The following PKHD1 variants were observed in gnomAD, a reference collection of about 807,000 sequenced individuals.
PKHD1 encodes fibrocystin.
PKHD1 carries 291 observed loss-of-function variants against 412.0 expected under a neutral mutation model. The ratio of observed to expected loss-of-function variants is 0.71; its 90% CI spans 0.64 to 0.78. The LOEUF is 0.78. Ranked by LOEUF, PKHD1 falls within the 30% of genes least tolerant of loss-of-function variation. The pLI is 0.00. For missense variants in PKHD1, 4,825 were observed against 4,950.7 expected, an observed-to-expected ratio of 0.97 and a Z score of 0.76; for synonymous variants, 1,777 against 1,821.5, an observed-to-expected ratio of 0.98 and a Z score of 0.62.
At chr6:51,841,433 C>T (rs752261137) in intron 50 of PKHD1, among the ~76,000 whole-genome samples, 174 of 152,074 alleles carry the variant, frequency 1.1e-3, no homozygotes, top group Admixed American at 3.0e-3. Context: ...TTCTCCTTCT[C>T]TTCCTGCCTT....
intron 52 of PKHD1, among the ~76,000 whole-genome samples, chr6:51,827,509 C>T (rs1299826994): frequency 1.3e-5 from 2 of 152,086 alleles, no homozygotes; most frequent in Non-Finnish European, 2.9e-5. Context: ...TTATCCTAGT[C>T]GACAGCTCAT....
At chr6:52,010,506 A>T in intron 34 of PKHD1, 47 bp from the exon 35 acceptor site, 1 of 1,388,232 alleles carries the variant, frequency 7.2e-7, no homozygotes, top group Non-Finnish European at 1.0e-6. Flanking sequence ...ATCTTAATGA[A>T]ATGCAATTAT....
chr6:51,821,384 G>A (rs1428623288), intron 52 of PKHD1, among the ~76,000 whole-genome samples: 1 of 152,096 alleles, frequency 6.6e-6, no homozygotes, highest in Non-Finnish European at 1.5e-5. Context: ...CTCAGTCCTG[G>A]ATAAACCAGG....
chr6:52,082,850 CT>C (rs1470439124), intron 3 of PKHD1, among the ~76,000 whole-genome samples: 4 of 152,164 alleles, frequency 2.6e-5, no homozygotes, highest in Admixed American at 6.5e-5. Context: ...AGAGGACTGT[CT>C]TTAAGGAAGA....
chr6:51,824,463 C>T (rs1269558843), intron 52 of PKHD1, among the ~76,000 whole-genome samples: 1 of 152,134 alleles, frequency 6.6e-6, no homozygotes, highest in Non-Finnish European at 1.5e-5. Flanking sequence ...GAGGACACGA[C>T]TTTGACATCC....
chr6:51,713,050 A>C (rs1157438484), intron 60 of PKHD1, among the ~76,000 whole-genome samples: 1 of 152,190 alleles, frequency 6.6e-6, no homozygotes, highest in Non-Finnish European at 1.5e-5. Flanking sequence ...GCAGGTTGTA[A>C]ACACTTGATA....
At chr6:51,788,418 GGAGTTC>G in intron 53 of PKHD1, among the ~76,000 whole-genome samples, 1 of 126,246 alleles carries the variant, frequency 7.9e-6, no homozygotes, top group East Asian at 3.5e-4. Context: ...ACTGCATCAA[GGAGTTC>G]TCCTTTATTC....
At chr6:51,799,654 G>T (rs1006743344) in intron 52 of PKHD1, among the ~76,000 whole-genome samples, 22 of 152,102 alleles carry the variant, frequency 1.4e-4, no homozygotes, top group African/African-American at 5.3e-4. Flanking sequence ...ATGAGCAAAA[G>T]AATTCACCCT....
At chr6:52,029,214 A>G (rs749797347) in intron 29 of PKHD1, among the ~76,000 whole-genome samples, 2 of 139,648 alleles carry the variant, frequency 1.4e-5, no homozygotes, top group Non-Finnish European at 3.2e-5. Context: ...ATAGCTATTA[A>G]TAATTACTAA....
chr6:51,829,919 A>C (rs1025333540), intron 52 of PKHD1, among the ~76,000 whole-genome samples: 3 of 152,184 alleles, frequency 2.0e-5, no homozygotes, highest in East Asian at 3.8e-4. Flanking sequence ...CAAGTGACTT[A>C]ATTGTCCTGG....
rs1554220805 is a variant in PKHD1, at chr6:51,753,360, C to T, written c.8798-7G>A. 6.2e-7 allele frequency: 1 copy of T among 1,612,152 alleles called. No homozygotes were observed. Among genetic ancestry groups the T allele is most frequent in the Non-Finnish European group, 8.5e-7 (1 of 1,179,026 alleles). ...TCCGTGACATGTACACTTCCTGGGGCAATAGGAGTTGTGGGAAAAAAAAAC... is the reference window on the plus strand; with the variant it reads ...TCCGTGACATGTACACTTCCTGGGGTAATAGGAGTTGTGGGAAAAAAAAAC... On this transcript the variant is annotated splice_polypyrimidine_tract_variant and splice_region_variant and intron_variant, in intron 56 of 66. Coordinates refer to ENST00000371117, the MANE Select transcript of PKHD1 (RefSeq NM_138694.4).
chr6:51,855,951 A>T lies in PKHD1; in HGVS notation c.7853T>A (p.Leu2618Ter). The T allele has an allele frequency of 6.2e-7, 1 of 1,613,962 alleles. No homozygotes were observed. Among genetic ancestry groups the T allele is most frequent in the Non-Finnish European group, 8.5e-7 (1 of 1,179,804 alleles). ...TTGCAATGAGTAGGTCTCTTGGTCC[A>T]AGAGCAGAGCCATCCAGCCACGAGG... is the stretch of plus-strand genomic sequence containing the variant. ...SNPRGWMALL[L>*]DQETYSLQSE... Residue 2618 changes from leucine to a stop codon, truncating the protein, a stop_gained, in exon 49 of 67, where the codon TTG becomes TAG. Coordinates refer to ENST00000371117, the MANE Select transcript of PKHD1 (RefSeq NM_138694.4). LOFTEE classifies it high-confidence loss of function.
At chr6:52,081,674 G>A (rs911331165) in intron 4 of PKHD1, among the ~76,000 whole-genome samples, 1 of 152,208 alleles carries the variant, frequency 6.6e-6, no homozygotes, top group Non-Finnish European at 1.5e-5. Context: ...TCAAAAAAGG[G>A]AAAGATAACT....
chr6:51,756,879 T>G (rs1220261843), intron 55 of PKHD1, among the ~76,000 whole-genome samples: 3 of 152,190 alleles, frequency 2.0e-5, no homozygotes, highest in Admixed American at 2.0e-4. Flanking sequence ...ACCAGTTTTG[T>G]GAAGACAATT....
intron 60 of PKHD1, among the ~76,000 whole-genome samples, chr6:51,677,604 G>A (rs576612691): frequency 3.3e-5 from 5 of 152,060 alleles, no homozygotes; most frequent in Non-Finnish European, 7.4e-5. Context: ...CAAGAAAAAC[G>A]GAAAACTACA....
In PKHD1 at chr6:51,705,416, T is replaced by G. The variant is rs142890456; in HGVS notation, c.10156+38969A>C. 3.1e-3 allele frequency among the ~76,000 whole-genome samples: 472 copies of G among 152,180 alleles called. 2 individuals are homozygous for G. The highest frequency in any genetic ancestry group is 4.4e-3 in the Non-Finnish European group (302 of 67,980). ...TGAGTAAGAGGTAAGGAAGAGTCAA[T>G]GTGGGCAGACCTCTTTAAGAAATTT... On this transcript the variant is annotated intron_variant, in intron 60 of 66. Transcript: ENST00000371117.
chr6:51,658,276 C>T (rs1288825926), intron 61 of PKHD1, among the ~76,000 whole-genome samples: 1 of 152,072 alleles, frequency 6.6e-6, no homozygotes, highest in Non-Finnish European at 1.5e-5. Flanking sequence ...TTTTCTCATC[C>T]TCTTTATATA....
chr6:51,689,839 C>T (rs1777921887), intron 60 of PKHD1, among the ~76,000 whole-genome samples: 2 of 152,042 alleles, frequency 1.3e-5, no homozygotes, highest in South Asian at 4.1e-4. Context: ...TCAAAGAAAT[C>T]AGAGATGACA....
chr6:51,838,972 T>G (rs569556913), intron 50 of PKHD1, among the ~76,000 whole-genome samples: 6 of 152,212 alleles, frequency 3.9e-5, no homozygotes, highest in Non-Finnish European at 7.3e-5. Flanking sequence ...TTATCAATAC[T>G]GTCATTATGG....
Sources: gnomAD v4.1 joint callset for allele counts (sites outside exome capture counted in the v4.1 genomes callset) on GRCh38, gnomAD v4.1.1 for gene constraint, MANE v1.5 for transcripts, NCBI Gene and HGNC (gene_info 2026-07-23, HGNC 2026-07-21) for gene names.